PTCD3: variants seen among roughly 807,000 people sequenced by gnomAD.
The protein encoded by PTCD3 is small ribosomal subunit protein mS39.
In PTCD3, 89 loss-of-function variants were observed where a neutral mutation model predicts 101.9. The ratio of observed to expected loss-of-function variants is 0.87; its 90% CI spans 0.74 to 1.04. The LOEUF is 1.04. PTCD3 is among the 50% of genes least tolerant of loss of function. PTCD3 has a pLI of 0.00. For missense variants in PTCD3, 870 were observed against 828.2 expected (o/e 1.05, Z -0.62); for synonymous variants, 296 against 278.5 (o/e 1.06, Z -0.63).
At chr2:86,135,782 C>G (rs1254684528) in intron 21 of PTCD3, 4 of 407,824 alleles carry the variant, frequency 9.8e-6, no homozygotes, top group South Asian at 1.9e-5. Flanking sequence ...ACACGTGTCT[C>G]TCTAGCAACT....
At chr2:86,122,421 T>TC in intron 8 of PTCD3, among the ~76,000 whole-genome samples, 1 of 152,310 alleles carries the variant, frequency 6.6e-6, no homozygotes, top group South Asian at 2.1e-4. Flanking sequence ...ATTTCTTGTT[T>TC]CCCCCTCAGA....
intron 22 of PTCD3, 106 bp from the exon 23 acceptor site, chr2:86,136,876 C>T: frequency 7.1e-7 from 1 of 1,406,672 alleles, no homozygotes; most frequent in South Asian, 1.3e-5. Flanking sequence ...TCTTTGTCTC[C>T]AGAAATACTG....
intron 22 of PTCD3, 137 bp from the exon 23 acceptor site, chr2:86,136,845 A>T (rs1422488219): frequency 1.7e-6 from 2 of 1,190,478 alleles, no homozygotes; most frequent in African/African-American, 3.1e-5. Flanking sequence ...GGAAACAAGT[A>T]AAAATAAATG....
At chr2:86,117,263 T>C in intron 6 of PTCD3, 104 bp downstream of exon 6, 1 of 559,436 alleles carries the variant, frequency 1.8e-6, no homozygotes, top group Middle Eastern at 4.1e-4. Flanking sequence ...ACCCTCAATA[T>C]TTGGATGATA....
intron 3 of PTCD3, 69 bp from the exon 4 acceptor site, chr2:86,111,044 A>G (rs1674072306): frequency 7.3e-7 from 1 of 1,375,740 alleles, no homozygotes; most frequent in Non-Finnish European, 1.0e-6. Flanking sequence ...CACTGAGAGT[A>G]GAATCACTTG....
intron 13 of PTCD3, chr2:86,127,686 A>G (rs1158794336): frequency 9.9e-6 from 5 of 504,524 alleles, no homozygotes; most frequent in South Asian, 2.7e-5. Context: ...ATTCACTTCA[A>G]TATATTTTAC....
intron 7 of PTCD3, 177 bp downstream of exon 7, chr2:86,119,221 G>A: frequency 1.3e-6 from 1 of 799,734 alleles, no homozygotes; most frequent in Non-Finnish European, 1.9e-6. Context: ...TGTTACTTAA[G>A]AATTACAGGC....
chr2:86,123,017 T>C (rs1464658124), intron 8 of PTCD3, among the ~76,000 whole-genome samples: 7 of 152,174 alleles, frequency 4.6e-5, no homozygotes, highest in Non-Finnish European at 7.3e-5. Flanking sequence ...CCCAGCACTT[T>C]GGGAGGCCGA....
chr2:86,133,397 G>A lies in PTCD3; in HGVS notation c.1504G>A (p.Val502Met), dbSNP rs749377660. Reference sequence around the variant, plus strand: ...GATACATCTTCTCCAAGCATTGGATGTGGCCAATCGGCTAGAAGTGATTCC... The same window carrying A: ...GATACATCTTCTCCAAGCATTGGATATGGCCAATCGGCTAGAAGTGATTCC... ...TMIHLLQALD[V>M]ANRLEVIPKI... Residue 502 changes from valine (V) to methionine (M), a missense_variant, in exon 19 of 24, where the codon GTG becomes ATG. Physicochemically the swap from Val to Met is conservative, Grantham distance 21. Coordinates refer to ENST00000254630, the MANE Select transcript of PTCD3 (RefSeq NM_017952.6). 3.7e-6 allele frequency: 6 copies of A among 1,614,136 alleles called. No homozygotes were observed. The highest frequency in any genetic ancestry group is 4.2e-6 in the Non-Finnish European group (5 of 1,179,986).
At chr2:86,109,413 A>AT (rs1266793237) in intron 3 of PTCD3, among the ~76,000 whole-genome samples, 4 of 151,826 alleles carry the variant, frequency 2.6e-5, no homozygotes, top group African/African-American at 9.7e-5. Flanking sequence ...TCTCAAAAAA[A>AT]AAAAAAGACT....
chr2:86,112,877 G>C (rs1318297058), intron 4 of PTCD3, among the ~76,000 whole-genome samples: 1 of 152,010 alleles, frequency 6.6e-6, no homozygotes, highest in African/African-American at 2.4e-5. Flanking sequence ...TCCCTGGAAG[G>C]GCTTGTTGAA....
chr2:86,128,623 G>A (rs1364223587), intron 14 of PTCD3, among the ~76,000 whole-genome samples: 1 of 152,166 alleles, frequency 6.6e-6, no homozygotes, highest in African/African-American at 2.4e-5. Flanking sequence ...GGACGTTTCT[G>A]CTCCAGAGGA....
At chr2:86,126,571 T>C (rs889383869) in intron 12 of PTCD3, among the ~76,000 whole-genome samples, 1 of 152,164 alleles carries the variant, frequency 6.6e-6, no homozygotes, top group African/African-American at 2.4e-5. Context: ...GCACGGTGGC[T>C]CATGCCTATA....
At chr2:86,135,530 G>C (rs1674569336) in intron 21 of PTCD3, among the ~76,000 whole-genome samples, 1 of 152,212 alleles carries the variant, frequency 6.6e-6, no homozygotes, top group Admixed American at 6.5e-5. Context: ...TTTAGTGTTT[G>C]TGAATGGGAA....
In PTCD3 at chr2:86,123,771, C is replaced by CACGTAATTAG; in HGVS notation, c.716+11_716+20dup. 1 of 1,586,236 alleles carries CACGTAATTAG rather than the reference C, an allele frequency of 6.3e-7. No individual in the cohort carries two copies. Among genetic ancestry groups the CACGTAATTAG allele is most frequent in the Non-Finnish European group, 8.6e-7 (1 of 1,164,212 alleles). ...TTTGGAGTTACATGGCGGTATGTCA[C>CACGTAATTAG]ACGTAATTAGAACCTTGAATTACAG... On this transcript the variant is annotated intron_variant, in intron 9 of 23. Transcript: ENST00000254630.
intron 3 of PTCD3, among the ~76,000 whole-genome samples, chr2:86,110,654 G>C (rs1017560320): frequency 2.0e-5 from 3 of 152,204 alleles, no homozygotes; most frequent in African/African-American, 7.2e-5. Context: ...AATTCAGTAA[G>C]AGTGTGTGTG....
rs1674697354 is a variant in PTCD3, at chr2:86,142,067, G to A, written c.*4508G>A. On this transcript the variant is annotated 3_prime_UTR_variant, in exon 24 of 24. Coordinates refer to ENST00000254630, the MANE Select transcript of PTCD3 (RefSeq NM_017952.6). ...CCTAATAAGCAATCAAGGGGGGTGG[G>A]TGTGTTGGCTGGTAAAGGAACTACT... 6.6e-6 allele frequency: 1 copy of A among 151,990 alleles called. No individual in the cohort carries two copies. Among genetic ancestry groups the A allele is most frequent in the African/African-American group, 2.4e-5 (1 of 41,338 alleles). 9.4% of individuals were successfully genotyped at this position (151,990 alleles called of 1,614,324 possible). A position where few individuals can be genotyped will look rare whatever the true frequency, so the allele number is the denominator to read the frequency against.
intron 5 of PTCD3, 51 bp downstream of exon 5, chr2:86,116,649 C>A: frequency 7.5e-7 from 1 of 1,327,526 alleles, no homozygotes; most frequent in Non-Finnish European, 1.1e-6. Context: ...GGTTTGCGTA[C>A]AACAGTACAT....
intron 19 of PTCD3, among the ~76,000 whole-genome samples, chr2:86,133,841 A>G (rs1182705364): frequency 3.9e-5 from 6 of 152,206 alleles, no homozygotes; most frequent in East Asian, 1.9e-4. Flanking sequence ...AGTAATAGCC[A>G]TGAGCATCAC....
Sources: gnomAD v4.1 joint callset for allele counts (sites outside exome capture counted in the v4.1 genomes callset) on GRCh38, gnomAD v4.1.1 for gene constraint, MANE v1.5 for transcripts, NCBI Gene and HGNC (gene_info 2026-07-23, HGNC 2026-07-21) for gene names.